The following EXTL3 variants were observed in gnomAD, a reference collection of about 807,000 sequenced individuals.
EXTL3 encodes exostosin like glycosyltransferase 3, also known as exostosin-like 3.
A neutral mutation model predicts 69.3 loss-of-function variants in EXTL3; 27 were observed. The observed-to-expected ratio is 0.39, with a 90% confidence interval of 0.29 to 0.54. EXTL3 has a LOEUF of 0.54. EXTL3 is among the 20% of genes least tolerant of loss of function. The probability of loss-of-function intolerance (pLI) is 0.69; values close to 1 mark genes in which losing one functional copy is unlikely to be tolerated. For missense variants in EXTL3, 1,003 were observed against 1,231.8 expected (o/e 0.81, Z 2.78); for synonymous variants, 511 against 499.4 (o/e 1.02, Z -0.31).
chr8:28,716,721 C>G lies in EXTL3; in HGVS notation c.662C>G (p.Thr221Arg). 1 of 1,614,224 alleles carries G rather than the reference C, an allele frequency of 6.2e-7. No individual in the cohort carries two copies. The highest frequency in any genetic ancestry group is 8.5e-7 in the Non-Finnish European group (1 of 1,180,046). The change falls in exon 3 of 7, where the codon ACA becomes AGA. Residue 221 changes from threonine (T) to arginine (R), a missense_variant. By Grantham distance (71) the Thr-to-Arg change is moderately conservative (BLOSUM62 -1). This residue lies in a region of EXTL3 where 742 missense variants were observed against 815.4 expected (regional missense o/e 0.91). Transcript: ENST00000220562. The surrounding 1 kb of genome is among the most constrained non-coding windows in gnomAD (Gnocchi z 7.1). ...DPLVKQAFQA[T>R]ARANVYVTEN... ...TTGGTCAAGCAGGCTTTTCAGGCGACAGCACGAGCTAACGTTTATGTTACA... is the reference window on the plus strand; with the variant it reads ...TTGGTCAAGCAGGCTTTTCAGGCGAGAGCACGAGCTAACGTTTATGTTACA...
intron 1 of EXTL3, among the ~76,000 whole-genome samples, chr8:28,694,849 T>C (rs1025962535): frequency 5.3e-5 from 8 of 152,008 alleles, no homozygotes; most frequent in African/African-American, 4.8e-5. Flanking sequence ...CCATTTCTAC[T>C]AAAAATACAA....
intron 1 of EXTL3, among the ~76,000 whole-genome samples, chr8:28,661,551 C>T (rs1807115896): frequency 6.6e-6 from 1 of 151,646 alleles, no homozygotes; most frequent in South Asian, 2.1e-4. Context: ...ATATAGTATA[C>T]ATATGTATTG....
intron 1 of EXTL3, among the ~76,000 whole-genome samples, chr8:28,691,572 A>ATTTTGTTTTTTTTTTTTT (rs1800612749): frequency 7.4e-6 from 1 of 135,494 alleles, no homozygotes; most frequent in Admixed American, 7.1e-5. Context: ...AGTTTTTGTG[A>ATTTTGTTTTTTTTTTTTT]TTTTTTTTTT....
chr8:28,710,630 T>G (rs1269025734), intron 1 of EXTL3: 5 of 361,154 alleles, frequency 1.4e-5, no homozygotes, highest in African/African-American at 1.1e-4. Flanking sequence ...TTTTTTTTTT[T>G]GAGGCAAGGT....
At chr8:28,607,930 A>G (rs150545184) in intron 2 of EXTL3, among the ~76,000 whole-genome samples, 9,902 of 151,836 alleles carry the variant, frequency 0.065, 482 homozygotes, top group East Asian at 0.16. Flanking sequence ...GGCTAACACC[A>G]TGAAACCCCG....
intron 3 of EXTL3, among the ~76,000 whole-genome samples, chr8:28,728,428 C>T (rs1198456746): frequency 9.9e-5 from 15 of 152,160 alleles, no homozygotes; most frequent in Admixed American, 9.2e-4. Context: ...GGGCTGTACA[C>T]TTGGGAATTT....
chr8:28,625,084 A>C (rs930255762), intron 1 of EXTL3, among the ~76,000 whole-genome samples: 1 of 152,212 alleles, frequency 6.6e-6, no homozygotes, highest in African/African-American at 2.4e-5. Flanking sequence ...ACTGACCCGC[A>C]GTTACAGACC....
In EXTL3 at chr8:28,729,966, C is replaced by T. The variant is rs112651475; in HGVS notation, c.2149-1257C>T. 1.3e-3 allele frequency among the ~76,000 whole-genome samples: 198 copies of T among 152,176 alleles called. 2 individuals are homozygous for T. The Middle Eastern group carries it at 0.014, about 10-fold the overall frequency. On this transcript the variant is annotated intron_variant, in intron 3 of 6. Transcript: ENST00000220562. ...GACAGACGCTATAGTCTCCAAAGCCCTTCTAGCTCTGAATTAATTGGATTT... is the reference window on the plus strand; with the variant it reads ...GACAGACGCTATAGTCTCCAAAGCCTTTCTAGCTCTGAATTAATTGGATTT...
At chr8:28,625,888 C>T (rs557326609) in intron 1 of EXTL3, among the ~76,000 whole-genome samples, 8 of 149,496 alleles carry the variant, frequency 5.4e-5, no homozygotes, top group African/African-American at 2.0e-4. Flanking sequence ...AGGCCAGGCA[C>T]GGTGGCTCAC....
At chr8:28,640,278 GA>G (rs1806722188) in intron 1 of EXTL3, among the ~76,000 whole-genome samples, 1 of 152,100 alleles carries the variant, frequency 6.6e-6, no homozygotes, top group Admixed American at 6.6e-5. Flanking sequence ...TTCTCTTCTA[GA>G]TTTTAGAATT....
At chr8:28,740,300 A>T (rs1801748318) in intron 5 of EXTL3, 2 of 151,860 alleles carry the variant, frequency 1.3e-5, no homozygotes, top group African/African-American at 4.8e-5. Context: ...TTTTATTTTT[A>T]TGAGACTGAG....
chr8:28,728,194 T>A (rs946512866), intron 3 of EXTL3, among the ~76,000 whole-genome samples: 4 of 152,232 alleles, frequency 2.6e-5, no homozygotes, highest in African/African-American at 9.6e-5. Flanking sequence ...CATTTTGTCA[T>A]CTCTGAAATT....
rs1009370262 is a variant in EXTL3, at chr8:28,713,425, A to G, written c.-569-32A>G. ...TTTTCTAATAGTATGTCACTGTTCTATTTTTGTTTTTTGTTTTTTTTTTTA... is the reference window on the plus strand; with the variant it reads ...TTTTCTAATAGTATGTCACTGTTCTGTTTTTGTTTTTTGTTTTTTTTTTTA... On this transcript the variant is annotated intron_variant, in intron 1 of 6. Transcript: ENST00000220562. The G allele has an allele frequency of 1.6e-5, 11 of 672,304 alleles. No homozygotes were observed. In the Admixed American group the frequency reaches 2.2e-4, roughly 13 times the overall value. 41.6% of individuals were successfully genotyped at this position (672,304 alleles called of 1,614,324 possible).
intron 1 of EXTL3, among the ~76,000 whole-genome samples, chr8:28,670,278 T>A (rs900257705): frequency 2.7e-5 from 4 of 149,026 alleles, no homozygotes; most frequent in African/African-American, 9.9e-5. Flanking sequence ...TAATTTTTAG[T>A]GAGGTAGAAA....
rs550021828 is a variant in EXTL3 at position 28,607,983 on chromosome 8, G to A, written n.314+225G>A. On this transcript the variant is annotated intron_variant and non_coding_transcript_variant, in intron 2 of 4. Coordinates refer to the EXTL3 transcript ENST00000522725. ...AAATTAGCCAGGCGTGGTGGTGGGC[G>A]CCTGTAGTCCCAGCTACTCGGGAGG... Among the ~76,000 whole-genome samples, 405 of 151,920 alleles carry A rather than the reference G, an allele frequency of 2.7e-3. 6 individuals are homozygous for A. The highest frequency in any genetic ancestry group is 9.1e-3 in the African/African-American group (378 of 41,330).
At chr8:28,664,241 G>T (rs1440546655) in intron 1 of EXTL3, among the ~76,000 whole-genome samples, 1 of 152,186 alleles carries the variant, frequency 6.6e-6, no homozygotes, top group Non-Finnish European at 1.5e-5. Flanking sequence ...GGAAGTCTGG[G>T]ATCAGGGTGC....
At chr8:28,747,188 T>C (rs954598772) in intron 6 of EXTL3, among the ~76,000 whole-genome samples, 19 of 152,182 alleles carry the variant, frequency 1.2e-4, no homozygotes, top group Admixed American at 9.8e-4. Flanking sequence ...TAGATGCTGT[T>C]TGAGAACATC....
chr8:28,733,221 G>A (rs897010921), intron 4 of EXTL3, among the ~76,000 whole-genome samples: 10 of 152,112 alleles, frequency 6.6e-5, no homozygotes. Context: ...AGCCGGTCAG[G>A]CTGTTTTTCA....
chr8:28,632,908 A>T (rs1303951892), intron 1 of EXTL3, among the ~76,000 whole-genome samples: 1 of 152,184 alleles, frequency 6.6e-6, no homozygotes, highest in Non-Finnish European at 1.5e-5. Flanking sequence ...CAATTAGAAG[A>T]TGCTCGGCAG....
Sources: allele counts gnomAD v4.1 joint callset (sites outside exome capture counted in the v4.1 genomes callset), GRCh38; gene constraint gnomAD v4.1.1; regional missense constraint gnomAD v4.1.1; non-coding constraint Gnocchi (gnomAD v3.1); transcripts MANE v1.5; gene names NCBI Gene and HGNC (gene_info 2026-07-23, HGNC 2026-07-21).